Variants in OTULINL observed in about 807,000 individuals in gnomAD.
OTULINL encodes OTU deubiquitinase with linear linkage specificity like.
OTULINL carries 42 observed loss-of-function variants against 43.9 expected under a neutral mutation model. The observed-to-expected ratio is 0.96, with a 90% CI of 0.75 to 1.24. OTULINL has a LOEUF of 1.24. Ranked by LOEUF, OTULINL falls within the 50% of genes most tolerant of loss-of-function variation. The probability of loss-of-function intolerance (pLI) is 0.00; values close to 1 mark genes in which losing one functional copy is unlikely to be tolerated. For missense variants in OTULINL, 411 were observed against 426.4 expected, an observed-to-expected ratio of 0.96 and a Z score of 0.32; for synonymous variants, 172 against 153.6, an observed-to-expected ratio of 1.12 and a Z score of -0.88.
intron 1 of OTULINL, among the ~76,000 whole-genome samples, chr5:14,600,009 A>C (rs1759356239): frequency 6.6e-6 from 1 of 152,162 alleles, no homozygotes; most frequent in African/African-American, 2.4e-5. Context: ...TTTCAAAAAT[A>C]TATAAATGGG....
At chr5:14,586,050 A>C (rs1365148656) in intron 1 of OTULINL, among the ~76,000 whole-genome samples, 2 of 152,268 alleles carry the variant, frequency 1.3e-5, no homozygotes, top group African/African-American at 4.8e-5. Context: ...GTGGTTCCCC[A>C]TACATGGCTA....
At position 14,610,128 on chromosome 5, in the gene OTULINL, A is replaced by G. The variant is rs771620374; in HGVS notation, c.898-13A>G. On this transcript the variant is annotated splice_polypyrimidine_tract_variant and intron_variant, in intron 7 of 7. Transcript: ENST00000274217. ...AGTGTGTATCTGTGACCTGTCTTTC[A>G]TCTCATCCACAGATTGATATGTTTA... 1.5e-5 allele frequency: 24 copies of G among 1,607,904 alleles called. No individual in the cohort carries two copies. Among genetic ancestry groups the G allele is most frequent in the South Asian group, 3.3e-5 (3 of 90,966 alleles).
At chr5:14,604,102 T>G (rs1759433155) in intron 5 of OTULINL, among the ~76,000 whole-genome samples, 1 of 152,092 alleles carries the variant, frequency 6.6e-6, no homozygotes, top group African/African-American at 2.4e-5. Flanking sequence ...GAGGCCAAGT[T>G]GGGAGTATCT....
At chr5:14,593,970 AG>A (rs1759246449) in intron 1 of OTULINL, among the ~76,000 whole-genome samples, 1 of 152,214 alleles carries the variant, frequency 6.6e-6, no homozygotes, top group South Asian at 2.1e-4. Context: ...TCTCTTTCTC[AG>A]TGATATTGAT....
chr5:14,586,182 T>G (rs1174645445), intron 1 of OTULINL, among the ~76,000 whole-genome samples: 1 of 152,230 alleles, frequency 6.6e-6, no homozygotes, highest in Admixed American at 6.5e-5. Flanking sequence ...GGTAAGACAA[T>G]CTGTTTTCAA....
intron 5 of OTULINL, among the ~76,000 whole-genome samples, chr5:14,604,945 A>G (rs1174888210): frequency 6.6e-6 from 1 of 152,124 alleles, no homozygotes; most frequent in East Asian, 1.9e-4. Context: ...TGGTTCTACC[A>G]TTCTGGGGTC....
intron 1 of OTULINL, among the ~76,000 whole-genome samples, chr5:14,594,048 T>C (rs1200903347): frequency 6.6e-6 from 1 of 152,258 alleles, no homozygotes; most frequent in Non-Finnish European, 1.5e-5. Context: ...GCAGAATTAA[T>C]AACTGAAATA....
rs895833928 is a variant in OTULINL, at chr5:14,612,593, T to C, written c.*2279T>C. On this transcript the variant is annotated 3_prime_UTR_variant, in exon 8 of 8. Transcript: ENST00000274217. ...ATGAGGTGTTGTGTTGTTTTGTTTG[T>C]TTTTATTCAGTTGTATAATGAATAT... 6.6e-6 allele frequency: 1 copy of C among 152,228 alleles called. No homozygotes were observed. Among genetic ancestry groups the C allele is most frequent in the Non-Finnish European group, 1.5e-5 (1 of 68,036 alleles). 9.4% of individuals were successfully genotyped at this position (152,228 alleles called of 1,614,324 possible). A position where few individuals can be genotyped will look rare whatever the true frequency, so the allele number is the denominator to read the frequency against.
chr5:14,593,801 G>A (rs1423903107), intron 1 of OTULINL, among the ~76,000 whole-genome samples: 1 of 152,182 alleles, frequency 6.6e-6, no homozygotes, highest in Non-Finnish European at 1.5e-5. Flanking sequence ...GCAGCTTCCT[G>A]TCATATTTAT....
intron 1 of OTULINL, among the ~76,000 whole-genome samples, chr5:14,583,385 A>G (rs1759050938): frequency 1.3e-5 from 2 of 152,130 alleles, no homozygotes; most frequent in African/African-American, 2.4e-5. Context: ...CATATTTCCT[A>G]TGGGTGTATT....
intron 1 of OTULINL, among the ~76,000 whole-genome samples, chr5:14,595,702 A>G (rs370032207): frequency 3.7e-4 from 42 of 113,854 alleles, no homozygotes; most frequent in African/African-American, 1.5e-3. Flanking sequence ...TCTGCCATAT[A>G]TCGTTTGAGT....
At chr5:14,609,479 T>C (rs1407903733) in intron 7 of OTULINL, among the ~76,000 whole-genome samples, 5 of 152,258 alleles carry the variant, frequency 3.3e-5, no homozygotes, top group Non-Finnish European at 7.3e-5. Flanking sequence ...CGAACAAAAT[T>C]ATCTGACATT....
At chr5:14,607,660 G>A (rs373248156) in intron 6 of OTULINL, among the ~76,000 whole-genome samples, 3 of 152,250 alleles carry the variant, frequency 2.0e-5, no homozygotes, top group East Asian at 3.9e-4. Context: ...TGTTCTACAC[G>A]ATAATTAGGC....
At position 14,613,697 on chromosome 5, in the gene OTULINL, T is replaced by G. The variant is rs531991529; in HGVS notation, c.*3383T>G. ...GAATTTCTTGAATGTCTTCATGGTCTTGAACCAAAGTCATTTCCACCCAAG... is the reference window on the plus strand; with the variant it reads ...GAATTTCTTGAATGTCTTCATGGTCGTGAACCAAAGTCATTTCCACCCAAG... On this transcript the variant is annotated 3_prime_UTR_variant, in exon 8 of 8. Transcript: ENST00000274217. Among the ~76,000 whole-genome samples, 3 of 152,332 alleles carry G rather than the reference T, an allele frequency of 2.0e-5. No individual in the cohort carries two copies. The South Asian group carries it at 6.2e-4, about 32-fold the overall frequency.
At chr5:14,604,363 A>G (rs553935019) in intron 5 of OTULINL, among the ~76,000 whole-genome samples, 1 of 152,208 alleles carries the variant, frequency 6.6e-6, no homozygotes, top group Admixed American at 6.5e-5. Flanking sequence ...GACAATCAAG[A>G]TGATATTTGG....
In OTULINL at chr5:14,615,825, T is replaced by A. The variant is rs1759663964; in HGVS notation, c.*5511T>A. Among the ~76,000 whole-genome samples, 1 of 152,176 alleles carries A rather than the reference T, an allele frequency of 6.6e-6. No individual in the cohort carries two copies. Among genetic ancestry groups the A allele is most frequent in the Non-Finnish European group, 1.5e-5 (1 of 68,040 alleles). Reference sequence around the variant, plus strand: ...TGCTCCAATCTGCTTGTGAGACCAGTTAGATTAGTAGTTGCAGTTGAGACC... The same window carrying A: ...TGCTCCAATCTGCTTGTGAGACCAGATAGATTAGTAGTTGCAGTTGAGACC... On this transcript the variant is annotated 3_prime_UTR_variant, in exon 8 of 8. Transcript: ENST00000274217.
At chr5:14,586,733 T>C (rs1299898463) in intron 1 of OTULINL, among the ~76,000 whole-genome samples, 1 of 152,190 alleles carries the variant, frequency 6.6e-6, no homozygotes, top group African/African-American at 2.4e-5. Flanking sequence ...CTTTCTCCTC[T>C]TGCCATATTA....
chr5:14,589,554 G>C (rs1759162949), intron 1 of OTULINL, among the ~76,000 whole-genome samples: 2 of 152,192 alleles, frequency 1.3e-5, no homozygotes, highest in Admixed American at 1.3e-4. Flanking sequence ...GCCAGTATGT[G>C]GGGCTTTCAG....
chr5:14,609,143 T>C (rs938148123), intron 7 of OTULINL, 126 bp downstream of exon 7: 44 of 922,128 alleles, frequency 4.8e-5, no homozygotes, highest in Non-Finnish European at 6.1e-5. Flanking sequence ...TTGATTGATA[T>C]TATCGCCCCT....
Sources: allele counts gnomAD v4.1 joint callset (sites outside exome capture counted in the v4.1 genomes callset), GRCh38; gene constraint gnomAD v4.1.1; transcripts MANE v1.5; gene names NCBI Gene and HGNC (gene_info 2026-07-23, HGNC 2026-07-21).